The following CNTN5 variants were observed in gnomAD, a reference collection of about 807,000 sequenced individuals.
CNTN5 encodes the protein contactin 5, also known as contactin-5.
CNTN5 carries 77 observed loss-of-function variants against 129.1 expected under a neutral mutation model. The ratio of observed to expected loss-of-function variants is 0.60; its 90% confidence interval spans 0.50 to 0.72. CNTN5 has a LOEUF of 0.72. Ranked by LOEUF, CNTN5 falls within the 30% of genes least tolerant of loss-of-function variation. CNTN5 has a pLI of 0.00. For synonymous variants in CNTN5, 509 were observed against 465.6 expected (o/e 1.09, Z -1.20); for missense variants, 1,478 against 1,328.8 (o/e 1.11, Z -1.75).
At chr11:99,233,256 T>C (rs557735860) in intron 1 of CNTN5, among the ~76,000 whole-genome samples, 137 of 152,342 alleles carry the variant, frequency 9.0e-4, no homozygotes, top group African/African-American at 3.2e-3. Flanking sequence ...TAAGGAATAA[T>C]TATTCAGTGA....
chr11:99,218,033 T>C (rs1443479549), intron 1 of CNTN5, among the ~76,000 whole-genome samples: 1 of 152,160 alleles, frequency 6.6e-6, no homozygotes, highest in Non-Finnish European at 1.5e-5. Context: ...AAAGATTACA[T>C]TTATTTTCTC....
intron 3 of CNTN5, among the ~76,000 whole-genome samples, chr11:99,613,540 A>C (rs1276105551): frequency 6.6e-6 from 1 of 152,242 alleles, no homozygotes; most frequent in Non-Finnish European, 1.5e-5. Flanking sequence ...AAGTAAAGCG[A>C]GAATAAAATC....
chr11:99,023,719 A>T (rs17132819), intron 1 of CNTN5, among the ~76,000 whole-genome samples: 8,660 of 152,180 alleles, frequency 0.057, 299 homozygotes, highest in East Asian at 0.1. Context: ...TGCCGAATCC[A>T]TTCTTTCTCA....
At chr11:99,509,805 A>T (rs1016833461) in intron 2 of CNTN5, among the ~76,000 whole-genome samples, 1 of 152,040 alleles carries the variant, frequency 6.6e-6, no homozygotes, top group Admixed American at 6.6e-5. Flanking sequence ...TATTAATGTT[A>T]TGAATTAATT....
At chr11:99,449,892 C>T (rs1944228629) in intron 2 of CNTN5, among the ~76,000 whole-genome samples, 1 of 152,182 alleles carries the variant, frequency 6.6e-6, no homozygotes, top group South Asian at 2.1e-4. Context: ...TGGGAAGGGT[C>T]TATGGTCATG....
At chr11:99,475,753 A>C (rs899060300) in intron 2 of CNTN5, among the ~76,000 whole-genome samples, 4 of 152,074 alleles carry the variant, frequency 2.6e-5, no homozygotes, top group Non-Finnish European at 4.4e-5. Context: ...AATAATTTTT[A>C]AAATAATAAA....
chr11:100,101,905 A>G (rs1179551816), intron 13 of CNTN5, among the ~76,000 whole-genome samples: 3 of 152,016 alleles, frequency 2.0e-5, no homozygotes, highest in African/African-American at 7.2e-5. Flanking sequence ...GCGAAATATT[A>G]TTTCCTTTCT....
At chr11:99,342,966 C>A (rs998212960) in intron 2 of CNTN5, among the ~76,000 whole-genome samples, 3 of 151,678 alleles carry the variant, frequency 2.0e-5, no homozygotes, top group African/African-American at 4.8e-5. Flanking sequence ...ATATACAAAA[C>A]AAAAAACAAA....
At chr11:99,664,011 G>A (rs148886013) in intron 3 of CNTN5, among the ~76,000 whole-genome samples, 340 of 152,220 alleles carry the variant, frequency 2.2e-3, no homozygotes, top group African/African-American at 7.4e-3. Flanking sequence ...GACTAGCCAC[G>A]TTTCAAATGC....
chr11:100,252,319 CT>C (rs1350954571), intron 16 of CNTN5, among the ~76,000 whole-genome samples: 1 of 152,110 alleles, frequency 6.6e-6, no homozygotes, highest in African/African-American at 2.4e-5. Flanking sequence ...CATTAATCCC[CT>C]TTCACGTGAA....
chr11:99,434,500 A>G (rs1943524493), intron 2 of CNTN5, among the ~76,000 whole-genome samples: 1 of 152,284 alleles, frequency 6.6e-6, no homozygotes, highest in East Asian at 1.9e-4. Flanking sequence ...TAAGATGCAT[A>G]GCTTTTAATT....
Position 100,271,083 on chromosome 11 carries a change from T to G in CNTN5, c.2165-9T>G. 6.3e-7 allele frequency: 1 copy of G among 1,587,852 alleles called. No homozygotes were observed. ...TCATAATGACATGAAATTTCCTTCC[T>G]TTCTATAGTCCCAGAAATCATAACA... On this transcript the variant is annotated splice_polypyrimidine_tract_variant and intron_variant, in intron 17 of 24. Transcript: ENST00000524871.
At chr11:99,812,321 A>G (rs1946454046) in intron 3 of CNTN5, among the ~76,000 whole-genome samples, 1 of 152,104 alleles carries the variant, frequency 6.6e-6, no homozygotes, top group African/African-American at 2.4e-5. Context: ...TCAGTTCCTC[A>G]GGGTAAAATG....
At chr11:100,299,424 A>G in intron 20 of CNTN5, 28 bp downstream of exon 20, 1 of 1,381,130 alleles carries the variant, frequency 7.2e-7, no homozygotes, top group Non-Finnish European at 1.0e-6. Flanking sequence ...TATTATTTTT[A>G]TTTAACATTT....
At chr11:99,716,670 A>T (rs1413614199) in intron 3 of CNTN5, among the ~76,000 whole-genome samples, 2 of 152,164 alleles carry the variant, frequency 1.3e-5, no homozygotes, top group African/African-American at 4.8e-5. Flanking sequence ...GCATCCACAG[A>T]ATTAATATTG....
intron 13 of CNTN5, among the ~76,000 whole-genome samples, chr11:100,132,416 T>C (rs1946402745): frequency 6.6e-6 from 1 of 152,054 alleles, no homozygotes; most frequent in African/African-American, 2.4e-5. Flanking sequence ...AGAAGAGATA[T>C]TAATGGGGGC....
chr11:100,319,983 T>C (rs1014448049), intron 21 of CNTN5, among the ~76,000 whole-genome samples: 1 of 152,220 alleles, frequency 6.6e-6, no homozygotes, highest in African/African-American at 2.4e-5. Flanking sequence ...TATGATTCCA[T>C]ATGTTGGCTA....
intron 18 of CNTN5, among the ~76,000 whole-genome samples, chr11:100,274,289 T>C (rs1409150438): frequency 6.6e-6 from 1 of 152,134 alleles, no homozygotes; most frequent in Non-Finnish European, 1.5e-5. Context: ...ACCTAGGTAA[T>C]ACTGTTCTGG....
chr11:99,685,236 A>T (rs149263180), intron 3 of CNTN5, among the ~76,000 whole-genome samples: 3 of 151,622 alleles, frequency 2.0e-5, no homozygotes, highest in African/African-American at 7.2e-5. Flanking sequence ...GCTTTGATTT[A>T]CTCTGTTTAG....
Sources: gnomAD v4.1 joint callset for allele counts (sites outside exome capture counted in the v4.1 genomes callset) on GRCh38, gnomAD v4.1.1 for gene constraint, MANE v1.5 for transcripts, NCBI Gene and HGNC (gene_info 2026-07-23, HGNC 2026-07-21) for gene names.